The following KDM2A variants were observed in gnomAD, a reference collection of about 807,000 sequenced individuals.
The protein encoded by KDM2A is lysine demethylase 2A, also known as lysine-specific demethylase 2A.
KDM2A carries 3 observed loss-of-function variants against 137.3 expected under a neutral mutation model. That is an observed-to-expected ratio of 0.02 (90% confidence interval 0.01 to 0.06). The LOEUF is 0.06. Among genes scored for constraint, KDM2A ranks in the 10% least tolerant of loss-of-function variants. The pLI is 1.00. For missense variants in KDM2A, 738 were observed against 1,510.6 expected (o/e 0.49, Z 8.48); for synonymous variants, 512 against 541.5 (o/e 0.95, Z 0.76).
chr11:67,163,787 C>T (rs1197837469), intron 2 of KDM2A, among the ~76,000 whole-genome samples: 1 of 150,908 alleles, frequency 6.6e-6, no homozygotes, highest in East Asian at 1.9e-4. Flanking sequence ...ACCTGAGAGT[C>T]GGAGGTTGCA....
intron 10 of KDM2A, among the ~76,000 whole-genome samples, chr11:67,220,399 G>A (rs1264693632): frequency 6.6e-6 from 1 of 152,104 alleles, no homozygotes; most frequent in Non-Finnish European, 1.5e-5. Context: ...GAATAATTTG[G>A]TGTAATGGGG....
chr11:67,156,541 C>T (rs753085500), intron 2 of KDM2A, among the ~76,000 whole-genome samples: 3 of 151,782 alleles, frequency 2.0e-5, no homozygotes, highest in Non-Finnish European at 2.9e-5. Flanking sequence ...CACAGTGAAA[C>T]CCCGTCTCTA....
At chr11:67,190,676 G>A (rs958611591) in intron 5 of KDM2A, among the ~76,000 whole-genome samples, 8 of 151,984 alleles carry the variant, frequency 5.3e-5, no homozygotes, top group Non-Finnish European at 8.8e-5. Flanking sequence ...CATGAGAATC[G>A]CTTGAACTGA....
intron 5 of KDM2A, among the ~76,000 whole-genome samples, chr11:67,193,090 A>G (rs1857396190): frequency 6.6e-6 from 1 of 152,050 alleles, no homozygotes; most frequent in Non-Finnish European, 1.5e-5. Context: ...CCCAGGTTCA[A>G]GTGATTCTCC....
At chr11:67,248,525 T>C in intron 16 of KDM2A, 155 bp downstream of exon 16, 1 of 583,758 alleles carries the variant, frequency 1.7e-6, no homozygotes, top group Non-Finnish European at 3.0e-6. Flanking sequence ...TTGGTTAATT[T>C]TTAGTATTTT....
chr11:67,129,733 CAAAAAA>C (rs200961023), intron 2 of KDM2A, among the ~76,000 whole-genome samples: 3,421 of 56,520 alleles, frequency 0.061, 71 homozygotes, highest in East Asian at 0.11. Context: ...GACTCCATCT[CAAAAAA>C]AAAAAAAAAA....
intron 11 of KDM2A, among the ~76,000 whole-genome samples, chr11:67,229,881 A>T (rs1199793970): frequency 7.0e-6 from 1 of 143,276 alleles, no homozygotes; most frequent in Non-Finnish European, 1.5e-5. Flanking sequence ...AAAAGAAAAA[A>T]AAAAATACAT....
chr11:67,248,183 A>G (rs1017554629), intron 15 of KDM2A, 98 bp from the exon 16 acceptor site: 11 of 878,068 alleles, frequency 1.3e-5, no homozygotes, highest in African/African-American at 3.4e-5. Context: ...TTATGGACCA[A>G]TGTTGTTGAG....
intron 12 of KDM2A, chr11:67,240,164 C>A: frequency 6.7e-7 from 1 of 1,484,754 alleles, no homozygotes; most frequent in Non-Finnish European, 8.9e-7. Context: ...GCACGCTGCT[C>A]CCTCTGGGTA....
At chr11:67,149,573 A>G (rs1856336352) in intron 2 of KDM2A, among the ~76,000 whole-genome samples, 1 of 152,058 alleles carries the variant, frequency 6.6e-6, no homozygotes, top group South Asian at 2.1e-4. Flanking sequence ...CCCCTTCACC[A>G]GATGTAATCA....
At chr11:67,168,994 C>G (rs1856815453) in intron 2 of KDM2A, among the ~76,000 whole-genome samples, 1 of 127,690 alleles carries the variant, frequency 7.8e-6, no homozygotes. Context: ...CTCACTCTGT[C>G]GCACAGGCTG....
At chr11:67,253,387 A>G in intron 18 of KDM2A, 66 bp from the exon 19 acceptor site, 3 of 1,443,848 alleles carry the variant, frequency 2.1e-6, no homozygotes, top group South Asian at 2.4e-5. Flanking sequence ...CTTTGCTCAG[A>G]TCGTTACGGC....
At chr11:67,148,304 T>C (rs1325899298) in intron 2 of KDM2A, among the ~76,000 whole-genome samples, 1 of 151,258 alleles carries the variant, frequency 6.6e-6, no homozygotes, top group Non-Finnish European at 1.5e-5. Context: ...ACCTGTAGTC[T>C]TAGCTGCTTG....
At chr11:67,188,379 G>A (rs1857259541) in intron 5 of KDM2A, among the ~76,000 whole-genome samples, 1 of 152,030 alleles carries the variant, frequency 6.6e-6, no homozygotes, top group South Asian at 2.1e-4. Context: ...CGACTCGGGA[G>A]GCTGAGGCAG....
At chr11:67,247,315 C>G (rs924479421) in intron 15 of KDM2A, among the ~76,000 whole-genome samples, 1 of 149,666 alleles carries the variant, frequency 6.7e-6, no homozygotes, top group Admixed American at 6.7e-5. Context: ...GTCTCGAACT[C>G]CTAACCTCAA....
At position 67,250,899 on chromosome 11, in the gene KDM2A, G is replaced by A. The variant is rs1763637434; in HGVS notation, c.2768+101G>A. 2.3e-6 allele frequency: 2 copies of A among 878,656 alleles called. No homozygotes were observed. Among genetic ancestry groups the A allele is most frequent in the African/African-American group, 1.7e-5 (1 of 59,666 alleles). 54.4% of individuals were successfully genotyped at this position (878,656 alleles called of 1,614,324 possible). On this transcript the variant is annotated intron_variant, in intron 17 of 20. Transcript: ENST00000529006. This position sits in a 1 kb window ranked among gnomAD's most constrained non-coding sequence, Gnocchi z 7.1. ...CACCTTGGCATCTGAAAGCCTGTGGGGTCTTATGAGGAGTGAATTGACCCT... is the reference window on the plus strand; with the variant it reads ...CACCTTGGCATCTGAAAGCCTGTGGAGTCTTATGAGGAGTGAATTGACCCT...
intron 11 of KDM2A, 93 bp downstream of exon 11, chr11:67,228,256 T>G: frequency 7.2e-7 from 1 of 1,381,416 alleles, no homozygotes; most frequent in East Asian, 2.3e-5. Flanking sequence ...AATATGTTCT[T>G]GGTTTTTTAA....
At chr11:67,149,396 T>C (rs899942655) in intron 2 of KDM2A, among the ~76,000 whole-genome samples, 8 of 152,278 alleles carry the variant, frequency 5.3e-5, no homozygotes, top group Admixed American at 5.2e-4. Context: ...CAATAAAAGG[T>C]ATCTGTTGTA....
At chr11:67,183,114 T>G (rs72928932) in intron 5 of KDM2A, among the ~76,000 whole-genome samples, 7,459 of 152,308 alleles carry the variant, frequency 0.049, 278 homozygotes, top group Non-Finnish European at 0.08. Context: ...CCTTACTGTT[T>G]CTGTTTTAAA....
Sources: allele counts gnomAD v4.1 joint callset (sites outside exome capture counted in the v4.1 genomes callset), GRCh38; gene constraint gnomAD v4.1.1; non-coding constraint Gnocchi (gnomAD v3.1); transcripts MANE v1.5; gene names NCBI Gene and HGNC (gene_info 2026-07-23, HGNC 2026-07-21).